The following LRRTM4 variants were observed in gnomAD, a reference collection of about 807,000 sequenced individuals.
LRRTM4 encodes leucine rich repeat transmembrane neuronal 4.
In LRRTM4, 25 loss-of-function variants were observed where a neutral mutation model predicts 47.6. The ratio of observed to expected loss-of-function variants is 0.53; its 90% confidence interval spans 0.38 to 0.73. The LOEUF (loss-of-function observed/expected upper bound fraction) is 0.73, where lower values mean the gene tolerates loss of function less well. Among genes scored for constraint, LRRTM4 ranks in the 30% least tolerant of loss-of-function variants. LRRTM4 has a pLI of 0.00. For synonymous variants in LRRTM4, 311 were observed against 269.5 expected (o/e 1.15, Z -1.51); for missense variants, 638 against 713.4 (o/e 0.89, Z 1.20).
At chr2:77,353,206 A>G (rs1181375277) in intron 3 of LRRTM4, among the ~76,000 whole-genome samples, 1 of 152,206 alleles carries the variant, frequency 6.6e-6, no homozygotes, top group Non-Finnish European at 1.5e-5. Context: ...TTCAGTTAAT[A>G]GGTGTTAACA....
At chr2:77,061,520 T>C (rs1679784565) in intron 3 of LRRTM4, among the ~76,000 whole-genome samples, 1 of 152,182 alleles carries the variant, frequency 6.6e-6, no homozygotes, top group African/African-American at 2.4e-5. Flanking sequence ...ATCGCATCAA[T>C]CTTAGGGGTC....
chr2:76,776,491 C>T (rs1163196946), intron 3 of LRRTM4, among the ~76,000 whole-genome samples: 1 of 152,058 alleles, frequency 6.6e-6, no homozygotes, highest in Admixed American at 6.5e-5. Flanking sequence ...TTTTGATTTG[C>T]ATTTCTCTGA....
intron 3 of LRRTM4, among the ~76,000 whole-genome samples, chr2:76,859,097 T>G (rs1233340338): frequency 2.0e-5 from 3 of 152,180 alleles, no homozygotes; most frequent in Non-Finnish European, 2.9e-5. Context: ...CCAAATCAGT[T>G]TTCCATGCTA....
chr2:77,008,647 C>T (rs934766160), intron 3 of LRRTM4, among the ~76,000 whole-genome samples: 3 of 152,064 alleles, frequency 2.0e-5, no homozygotes, highest in African/African-American at 7.2e-5. Context: ...TCTTGTCTTT[C>T]TTGTTGAGGT....
intron 3 of LRRTM4, among the ~76,000 whole-genome samples, chr2:77,139,345 A>G (rs1024326603): frequency 2.0e-4 from 30 of 152,314 alleles, no homozygotes; most frequent in African/African-American, 5.8e-4. Context: ...AACATAATCC[A>G]GCATATCAAC....
At chr2:77,189,309 T>G (rs1032744662) in intron 3 of LRRTM4, among the ~76,000 whole-genome samples, 4 of 152,226 alleles carry the variant, frequency 2.6e-5, no homozygotes, top group African/African-American at 9.6e-5. Flanking sequence ...GAAAGTGGAT[T>G]GATTGCATCC....
At chr2:77,116,362 A>G (rs920647210) in intron 3 of LRRTM4, among the ~76,000 whole-genome samples, 16 of 152,264 alleles carry the variant, frequency 1.1e-4, no homozygotes, top group African/African-American at 3.4e-4. Context: ...AAATATAAGA[A>G]CTCACTCAAA....
intron 3 of LRRTM4, among the ~76,000 whole-genome samples, chr2:76,793,709 T>A (rs1675103120): frequency 6.6e-6 from 1 of 152,142 alleles, no homozygotes; most frequent in African/African-American, 2.4e-5. Context: ...TTGCAAAGTG[T>A]CTTCCATTTC....
At chr2:76,856,731 T>G (rs568535441) in intron 3 of LRRTM4, among the ~76,000 whole-genome samples, 1 of 152,168 alleles carries the variant, frequency 6.6e-6, no homozygotes, top group Non-Finnish European at 1.5e-5. Context: ...TTTCTTTCCC[T>G]TATATGTCAT....
In LRRTM4 at chr2:76,755,321, A is replaced by G. The variant is rs372163959; in HGVS notation, c.1552-6405T>C. 5.0e-4 allele frequency among the ~76,000 whole-genome samples: 76 copies of G among 152,252 alleles called. 1 individual carries two copies. In the East Asian group the frequency reaches 8.7e-3, roughly 17 times the overall value. On this transcript the variant is annotated intron_variant, in intron 3 of 3. Transcript: ENST00000409884. ...GATTATTCTGATGACTAGAAAACTT[A>G]TTTTACAACACTATTTTGAGAAAGT...
At chr2:77,238,926 T>C (rs1675185200) in intron 3 of LRRTM4, among the ~76,000 whole-genome samples, 1 of 152,010 alleles carries the variant, frequency 6.6e-6, no homozygotes, top group South Asian at 2.1e-4. Flanking sequence ...TCAGCACTTA[T>C]ATCTGCACTG....
At chr2:77,416,070 T>G (rs888660482) in intron 3 of LRRTM4, among the ~76,000 whole-genome samples, 3 of 152,152 alleles carry the variant, frequency 2.0e-5, no homozygotes, top group African/African-American at 7.2e-5. Flanking sequence ...TACAGTTATT[T>G]TCTTTTCACA....
At chr2:77,511,974 C>T (rs909808442) in intron 3 of LRRTM4, among the ~76,000 whole-genome samples, 2 of 152,048 alleles carry the variant, frequency 1.3e-5, no homozygotes, top group African/African-American at 2.4e-5. Flanking sequence ...TAAGAGACAG[C>T]GTCTTAGTTT....
At chr2:76,781,439 G>C (rs2104161061) in intron 3 of LRRTM4, among the ~76,000 whole-genome samples, 1 of 152,362 alleles carries the variant, frequency 6.6e-6, no homozygotes, top group Admixed American at 6.5e-5. Flanking sequence ...AGCCAGGTGT[G>C]GCATATAATC....
intron 3 of LRRTM4, among the ~76,000 whole-genome samples, chr2:77,165,865 G>A (rs1672869474): frequency 6.6e-6 from 1 of 152,146 alleles, no homozygotes; most frequent in African/African-American, 2.4e-5. Flanking sequence ...TACTGAATGG[G>A]CAAAAACTGG....
intron 3 of LRRTM4, among the ~76,000 whole-genome samples, chr2:76,838,350 G>A (rs1158300532): frequency 1.3e-5 from 2 of 151,938 alleles, no homozygotes; most frequent in African/African-American, 4.8e-5. Flanking sequence ...ACTATAATTA[G>A]TTAATATAAG....
intron 3 of LRRTM4, among the ~76,000 whole-genome samples, chr2:77,467,889 A>G (rs1175775027): frequency 6.6e-6 from 1 of 152,202 alleles, no homozygotes; most frequent in South Asian, 2.1e-4. Context: ...TTTAAAAAAT[A>G]TCAAAGGTTA....
chr2:77,004,581 A>G (rs1174559910), intron 3 of LRRTM4, among the ~76,000 whole-genome samples: 1 of 152,168 alleles, frequency 6.6e-6, no homozygotes, highest in African/African-American at 2.4e-5. Flanking sequence ...AGAGCAGTGC[A>G]GAGGAGAAAT....
chr2:76,773,272 A>G (rs1377209008), intron 3 of LRRTM4, among the ~76,000 whole-genome samples: 1 of 152,224 alleles, frequency 6.6e-6, no homozygotes, highest in Non-Finnish European at 1.5e-5. Flanking sequence ...ATTCTCCACC[A>G]TAATGGCCTC....
Sources: allele counts gnomAD v4.1 joint callset (sites outside exome capture counted in the v4.1 genomes callset), GRCh38; gene constraint gnomAD v4.1.1; transcripts MANE v1.5; gene names NCBI Gene and HGNC (gene_info 2026-07-23, HGNC 2026-07-21).